The following KLHL29 variants were observed in gnomAD, a reference collection of about 807,000 sequenced individuals.
The protein encoded by KLHL29 is kelch like family member 29.
KLHL29 carries 21 observed loss-of-function variants against 80.4 expected under a neutral mutation model. The observed-to-expected ratio is 0.26, with a 90% confidence interval of 0.19 to 0.38. The LOEUF is 0.38. Ranked by LOEUF, KLHL29 falls within the 10% of genes least tolerant of loss-of-function variation. The pLI is 1.00. For missense variants in KLHL29, 867 were observed against 1,223.9 expected (o/e 0.71, Z 4.35); for synonymous variants, 511 against 526.8 (o/e 0.97, Z 0.41).
intron 3 of KLHL29, among the ~76,000 whole-genome samples, chr2:23,610,185 G>C (rs1668824049): frequency 6.6e-6 from 1 of 152,132 alleles, no homozygotes; most frequent in African/African-American, 2.4e-5. Flanking sequence ...GACTGTCTTG[G>C]GGTGGGATGG....
At chr2:23,583,830 C>G (rs1296402017) in intron 3 of KLHL29, among the ~76,000 whole-genome samples, 1 of 152,244 alleles carries the variant, frequency 6.6e-6, no homozygotes, top group African/African-American at 2.4e-5. Context: ...GCCCCAACCA[C>G]TCCCCTCTTC....
intron 3 of KLHL29, among the ~76,000 whole-genome samples, chr2:23,625,434 A>G (rs1043632260): frequency 1.3e-5 from 2 of 152,232 alleles, no homozygotes; most frequent in Admixed American, 1.3e-4. Context: ...CTCCGGAGAT[A>G]AATACAACAA....
At chr2:23,448,056 G>A (rs1663758909) in intron 1 of KLHL29, among the ~76,000 whole-genome samples, 1 of 152,142 alleles carries the variant, frequency 6.6e-6, no homozygotes, top group South Asian at 2.1e-4. Context: ...GTAAGTAAAA[G>A]TATATGAGGC....
Position 23,541,776 on chromosome 2 carries a change from A to C in KLHL29, c.-45-20376A>C, listed in dbSNP as rs546874613. Among the ~76,000 whole-genome samples the C allele has an allele frequency of 2.0e-3, 309 of 151,968 alleles. 4 individuals carry two copies. Among genetic ancestry groups the C allele is most frequent in the African/African-American group, 5.9e-3 (244 of 41,380 alleles). On this transcript the variant is annotated intron_variant, in intron 2 of 13. Transcript: ENST00000486442. ...AAAAAAGCCCAACCCAAAAAACAAA[A>C]AAAAAAAAACCATAAAACTGGTGCT... is the stretch of plus-strand genomic sequence containing the variant.
chr2:23,610,303 T>G (rs894673757), intron 3 of KLHL29, among the ~76,000 whole-genome samples: 5 of 152,232 alleles, frequency 3.3e-5, no homozygotes, highest in African/African-American at 1.2e-4. Flanking sequence ...TTCGTTCTGG[T>G]GTGCTTTGGA....
Position 23,676,638 on chromosome 2 carries a change from CAAT to C in KLHL29, c.941-7756_941-7754del, listed in dbSNP as rs1181292305. 3.3e-5 allele frequency among the ~76,000 whole-genome samples: 5 copies of C among 152,092 alleles called. No individual in the cohort carries two copies. In the East Asian group the frequency reaches 7.7e-4, roughly 23 times the overall value. Reference sequence around the variant, plus strand: ...AGACCCTGTCTCTACAAAATAATAACAATAATAGGGTGAGGCTTAAGGAATGGA... The same window carrying C: ...AGACCCTGTCTCTACAAAATAATAACAATAGGGTGAGGCTTAAGGAATGGA... On this transcript the variant is annotated intron_variant, in intron 5 of 13. Coordinates refer to ENST00000486442, the MANE Select transcript of KLHL29 (RefSeq NM_052920.2).
chr2:23,693,735 C>T (rs17045812), intron 8 of KLHL29, among the ~76,000 whole-genome samples: 4,963 of 152,308 alleles, frequency 0.033, 101 homozygotes, highest in South Asian at 0.086. Context: ...AGACCCAAGT[C>T]GGCCAAGAGC....
At chr2:23,513,417 C>T (rs889404030) in intron 2 of KLHL29, among the ~76,000 whole-genome samples, 28 of 152,222 alleles carry the variant, frequency 1.8e-4, no homozygotes, top group Non-Finnish European at 2.9e-5. Flanking sequence ...CGGAAATCCT[C>T]CTTGCCTTCT....
intron 11 of KLHL29, among the ~76,000 whole-genome samples, chr2:23,701,793 CTTTTTTTTT>C (rs70941586): frequency 1.8e-4 from 4 of 22,536 alleles, no homozygotes; most frequent in Non-Finnish European, 3.0e-4. Flanking sequence ...CTTTTTTTTG[CTTTTTTTTT>C]TTTTTTTTTT....
intron 1 of KLHL29, among the ~76,000 whole-genome samples, chr2:23,448,827 G>A (rs17045350): frequency 0.15 from 22,144 of 152,048 alleles, 2,754 homozygotes; most frequent in African/African-American, 0.32. Context: ...ATCTACCACC[G>A]TATGGCCTCC....
chr2:23,594,130 G>A (rs1188124788), intron 3 of KLHL29, among the ~76,000 whole-genome samples: 2 of 152,246 alleles, frequency 1.3e-5, no homozygotes, highest in Non-Finnish European at 2.9e-5. Context: ...GTGTCGAGGA[G>A]TTGATTATAC....
intron 1 of KLHL29, among the ~76,000 whole-genome samples, chr2:23,461,975 C>CTTTTTTTTTT (rs1164075132): frequency 0.077 from 6,021 of 78,416 alleles, 208 homozygotes; most frequent in African/African-American, 0.12. Flanking sequence ...CGGTTTTTGC[C>CTTTTTTTTTT]ATTTTTTTTT....
At chr2:23,568,171 T>C (rs1469864085) in intron 3 of KLHL29, among the ~76,000 whole-genome samples, 1 of 146,496 alleles carries the variant, frequency 6.8e-6, no homozygotes, top group Non-Finnish European at 1.5e-5. Context: ...TTGCCACACT[T>C]GTAAGAGACG....
intron 3 of KLHL29, among the ~76,000 whole-genome samples, chr2:23,611,031 T>C (rs1668858888): frequency 6.6e-6 from 1 of 152,024 alleles, no homozygotes; most frequent in African/African-American, 2.4e-5. Flanking sequence ...TCTAGTATGT[T>C]AGATGGTAAT....
chr2:23,703,136 C>A, intron 11 of KLHL29, 50 bp from the exon 12 acceptor site: 2 of 1,329,168 alleles, frequency 1.5e-6, no homozygotes, highest in South Asian at 1.8e-5. Flanking sequence ...TGACCTCTGC[C>A]CCGCACAAGG....
chr2:23,657,112 C>G (rs994508362), intron 5 of KLHL29, among the ~76,000 whole-genome samples: 3 of 152,022 alleles, frequency 2.0e-5, no homozygotes, highest in Admixed American at 2.0e-4. Flanking sequence ...TGAGGACACC[C>G]CTTACTCCCT....
At chr2:23,685,323 C>T (rs1187876107) in intron 6 of KLHL29, 1 of 152,196 alleles carries the variant, frequency 6.6e-6, no homozygotes, top group African/African-American at 2.4e-5. Flanking sequence ...CACCTTCCAG[C>T]TCCGTAGTAA....
rs150750798 is a variant in KLHL29, at chr2:23,408,230, A to G, written c.-154+22450A>G. Among the ~76,000 whole-genome samples the G allele has an allele frequency of 1.6e-4, 20 of 127,602 alleles. No homozygotes were observed. The East Asian group carries it at 5.2e-3, about 33-fold the overall frequency. The allele number at this position is 127,602 out of a possible 152,430, so 83.7% of individuals were successfully genotyped here. Reference sequence around the variant, plus strand: ...GGCTACTATGTCTGACATATCTTGTATAGCCCAGAGGAAATTTAGAAGCAT... The same window carrying G: ...GGCTACTATGTCTGACATATCTTGTGTAGCCCAGAGGAAATTTAGAAGCAT... On this transcript the variant is annotated intron_variant, in intron 1 of 13. Coordinates refer to ENST00000486442, the MANE Select transcript of KLHL29 (RefSeq NM_052920.2).
intron 1 of KLHL29, among the ~76,000 whole-genome samples, chr2:23,451,746 C>A (rs1225183910): frequency 6.6e-6 from 1 of 152,230 alleles, no homozygotes; most frequent in Non-Finnish European, 1.5e-5. Context: ...AAGGGATCAA[C>A]GTTGACCCAG....
Sources: allele counts gnomAD v4.1 joint callset (sites outside exome capture counted in the v4.1 genomes callset), GRCh38; gene constraint gnomAD v4.1.1; transcripts MANE v1.5; gene names NCBI Gene and HGNC (gene_info 2026-07-23, HGNC 2026-07-21).